LMO7: variants seen among roughly 807,000 people sequenced by gnomAD.
LMO7 encodes the protein LIM domain 7.
In LMO7, 120 loss-of-function variants were observed where a neutral mutation model predicts 206.5. The observed-to-expected ratio is 0.58, with a 90% confidence interval of 0.50 to 0.68. The LOEUF (loss-of-function observed/expected upper bound fraction) is 0.68. Ranked by LOEUF, LMO7 falls within the 30% of genes least tolerant of loss-of-function variation. LMO7 has a pLI of 0.00. For synonymous variants in LMO7, 706 were observed against 681.5 expected (o/e 1.04, Z -0.56); for missense variants, 1,959 against 1,957.9 (o/e 1.00, Z -0.01).
Position 75,821,444 on chromosome 13 carries a change from G to T in LMO7, c.2475G>T (p.Leu825Phe). The T allele has an allele frequency of 6.2e-7, 1 of 1,614,134 alleles. No individual in the cohort carries two copies. Among genetic ancestry groups the T allele is most frequent in the Non-Finnish European group, 8.5e-7 (1 of 1,180,006 alleles). ...TGGAAGAACAAAGCCCAGCCTCTTT[G>T]TCTTCTCTGCGTTCACGGAGCACAC... Reference protein sequence around the residue: ...SPVEEQSPASLSSLRSRSTQM... With the variant: ...SPVEEQSPASFSSLRSRSTQM... The change falls in exon 14 of 31, where the codon TTG (leucine) becomes TTT (phenylalanine). Residue 825 changes from leucine (L) to phenylalanine (F), a missense_variant. Leu to Phe is a conservative substitution (Grantham distance 22). Transcript: ENST00000377534.
intron 15 of LMO7, among the ~76,000 whole-genome samples, chr13:75,825,476 C>T (rs887319800): frequency 2.0e-5 from 3 of 152,110 alleles, no homozygotes; most frequent in Non-Finnish European, 2.9e-5. Flanking sequence ...CTCAGGTTAT[C>T]GCAACTCAGA....
At chr13:75,733,541 T>C (rs2045493670) in intron 3 of LMO7, among the ~76,000 whole-genome samples, 1 of 152,174 alleles carries the variant, frequency 6.6e-6, no homozygotes, top group Admixed American at 6.5e-5. Context: ...CCCCTTTCTT[T>C]GACTAGGAAA....
intron 1 of LMO7, among the ~76,000 whole-genome samples, chr13:75,647,062 C>G (rs2037089979): frequency 8.1e-6 from 1 of 123,246 alleles, no homozygotes; most frequent in Admixed American, 9.4e-5. Context: ...GCATTATATA[C>G]ATAGGTGTGT....
intron 6 of LMO7, among the ~76,000 whole-genome samples, chr13:75,797,990 G>A (rs1199159917): frequency 1.3e-5 from 2 of 152,200 alleles, no homozygotes; most frequent in African/African-American, 4.8e-5. Context: ...AGAATGGTGA[G>A]GCTTTAGTGG....
intron 5 of LMO7, 71 bp downstream of exon 5, chr13:75,795,502 A>G (rs2053876879): frequency 9.8e-7 from 1 of 1,019,038 alleles, no homozygotes; most frequent in Non-Finnish European, 1.5e-6. Flanking sequence ...AAGGCAGTGA[A>G]TCTAAAAGTA....
intron 15 of LMO7, among the ~76,000 whole-genome samples, chr13:75,825,886 C>A (rs1011533043): frequency 1.3e-5 from 2 of 152,116 alleles, no homozygotes; most frequent in Admixed American, 1.3e-4. Flanking sequence ...TGTGGCTGAT[C>A]ATCTAAATGT....
At chr13:75,704,786 A>G (rs2042533641) in intron 1 of LMO7, among the ~76,000 whole-genome samples, 1 of 152,218 alleles carries the variant, frequency 6.6e-6, no homozygotes, top group African/African-American at 2.4e-5. Context: ...CTTCAGAGAA[A>G]CTTGTTGTTT....
At chr13:75,707,743 G>T (rs1341300809) in intron 1 of LMO7, among the ~76,000 whole-genome samples, 3 of 151,682 alleles carry the variant, frequency 2.0e-5, no homozygotes, top group Non-Finnish European at 2.9e-5. Context: ...TTTTTATATT[G>T]TCTTTTTTTA....
At chr13:75,848,453 A>ATCTATCTATCTG (rs1406504229) in intron 26 of LMO7, among the ~76,000 whole-genome samples, 2 of 150,176 alleles carry the variant, frequency 1.3e-5, no homozygotes, top group African/African-American at 5.0e-5. Context: ...CTATCTATCT[A>ATCTATCTATCTG]TCTATCTATC....
At chr13:75,642,442 C>CAAAA (rs5804829) in intron 1 of LMO7, among the ~76,000 whole-genome samples, 6 of 72,384 alleles carry the variant, frequency 8.3e-5, no homozygotes, top group Admixed American at 1.8e-4. Flanking sequence ...CCATCTCTAC[C>CAAAA]AAAAAAAAAA....
At chr13:75,781,505 A>T (rs1260610692) in intron 4 of LMO7, among the ~76,000 whole-genome samples, 1 of 151,600 alleles carries the variant, frequency 6.6e-6, no homozygotes, top group African/African-American at 2.4e-5. Context: ...TATGTGACAC[A>T]TTTTCTTAAT....
chr13:75,783,781 G>A (rs1436769038), intron 4 of LMO7, among the ~76,000 whole-genome samples: 1 of 152,098 alleles, frequency 6.6e-6, no homozygotes, highest in African/African-American at 2.4e-5. Context: ...AATGGTTTAG[G>A]CACTGAGGTA....
chr13:75,804,151 A>G, intron 7 of LMO7, 138 bp from the exon 8 acceptor site: 1 of 891,284 alleles, frequency 1.1e-6, no homozygotes. Context: ...ACTTCGTGAC[A>G]AATTTCTAAA....
In LMO7 at chr13:75,858,167, T is replaced by C. The variant is rs2061114423; in HGVS notation, c.*224T>C. 1 of 417,502 alleles carries C rather than the reference T, an allele frequency of 2.4e-6. No individual in the cohort carries two copies. The highest frequency in any genetic ancestry group is 6.8e-5 in the South Asian group (1 of 14,682). The allele number at this position is 417,502 out of a possible 1,614,324, so 25.9% of individuals were successfully genotyped here. Reference sequence around the variant, plus strand: ...TGTGTGTGGGGAAAAGTGCAGTATTTACCTGTTGAATTCAGCATCTTGAGA... The same window carrying C: ...TGTGTGTGGGGAAAAGTGCAGTATTCACCTGTTGAATTCAGCATCTTGAGA... On this transcript the variant is annotated 3_prime_UTR_variant, in exon 31 of 31. Transcript: ENST00000377534.
intron 2 of LMO7, among the ~76,000 whole-genome samples, chr13:75,625,883 T>C (rs980263501): frequency 1.3e-5 from 2 of 152,208 alleles, no homozygotes; most frequent in African/African-American, 4.8e-5. Context: ...TTTTCTCCTA[T>C]AATTATTTTC....
At chr13:75,812,640 G>C (rs1243463864) in intron 11 of LMO7, among the ~76,000 whole-genome samples, 1 of 152,126 alleles carries the variant, frequency 6.6e-6, no homozygotes, top group East Asian at 1.9e-4. Context: ...AATCTGCATA[G>C]TGGGAGAAGA....
upstream of LMO7, among the ~76,000 whole-genome samples, chr13:75,634,993 G>A (rs1305840185): frequency 6.8e-6 from 1 of 146,770 alleles, no homozygotes; most frequent in African/African-American, 2.6e-5. Context: ...GCAACAGTGA[G>A]ACTCCATCTC....
At chr13:75,775,125 A>G (rs1361404278) in intron 4 of LMO7, among the ~76,000 whole-genome samples, 1 of 152,110 alleles carries the variant, frequency 6.6e-6, no homozygotes. Context: ...GTATGCTAAC[A>G]ATATCATTAA....
chr13:75,768,398 A>T (rs879695951), intron 4 of LMO7, among the ~76,000 whole-genome samples: 1 of 152,138 alleles, frequency 6.6e-6, no homozygotes. Flanking sequence ...TTATTAGAAT[A>T]GCAAAGCTGG....
Sources: allele counts gnomAD v4.1 joint callset (sites outside exome capture counted in the v4.1 genomes callset), GRCh38; gene constraint gnomAD v4.1.1; transcripts MANE v1.5; gene names NCBI Gene and HGNC (gene_info 2026-07-23, HGNC 2026-07-21).